The following MAG variants were observed in gnomAD, a reference collection of about 807,000 sequenced individuals.
MAG encodes myelin associated glycoprotein, also known as myelin-associated glycoprotein.
In MAG, 30 loss-of-function variants were observed where a neutral mutation model predicts 60.7. That is an observed-to-expected ratio of 0.49 (90% CI 0.37 to 0.67). MAG has a LOEUF of 0.67. MAG is among the 30% of genes least tolerant of loss of function. The probability of loss-of-function intolerance (pLI) is 0.00; values close to 1 mark genes in which losing one functional copy is unlikely to be tolerated. For synonymous variants in MAG, 384 were observed against 376.8 expected (o/e 1.02, Z -0.22); for missense variants, 795 against 851.7 (o/e 0.93, Z 0.83).
intron 9 of MAG, 96 bp from the exon 10 acceptor site, chr19:35,311,822 T>G: frequency 1.3e-6 from 1 of 760,740 alleles, no homozygotes. Context: ...TAGAGATGGG[T>G]GGGAGAACTC....
At chr19:35,305,457 G>C (rs1021862887) in intron 7 of MAG, among the ~76,000 whole-genome samples, 1 of 152,304 alleles carries the variant, frequency 6.6e-6, no homozygotes, top group African/African-American at 2.4e-5. Context: ...ATGTGATTGA[G>C]GGGAGGGTAC....
Position 35,295,745 on chromosome 19 carries a change from A to T in MAG, c.179A>T (p.Tyr60Phe). ...LRPAVVHGVW[Y>F]FNSPYPKNYP... is the part of the protein sequence containing the mutation. ...CCCGCTGTGGTGCATGGTGTCTGGT[A>T]CTTCAATAGCCCCTACCCCAAGAAC... Residue 60 changes from tyrosine (Y) to phenylalanine (F), a missense_variant, in exon 4 of 11, where the codon TAC (tyrosine) becomes TTC (phenylalanine). By Grantham distance (22) the Tyr-to-Phe change is conservative. Transcript: ENST00000392213. The surrounding 1 kb of genome is among the most constrained non-coding windows in gnomAD (Gnocchi z 5.8). 6.2e-7 allele frequency: 1 copy of T among 1,613,828 alleles called. No individual in the cohort carries two copies. Among genetic ancestry groups the T allele is most frequent in the East Asian group, 2.2e-5 (1 of 44,878 alleles).
chr19:35,295,687 C>T lies in MAG; in HGVS notation c.121C>T (p.Pro41Ser), dbSNP rs1313624249. ...SAFEGTCVSI[P>S]CRFDFPDELR... Reference sequence around the variant, plus strand: ...CTTCGAAGGCACGTGCGTCTCCATCCCCTGCCGCTTTGACTTCCCGGATGA... The same window carrying T: ...CTTCGAAGGCACGTGCGTCTCCATCTCCTGCCGCTTTGACTTCCCGGATGA... The change falls in exon 4 of 11, where the codon CCC (proline) becomes TCC (serine). Residue 41 changes from proline to serine, a missense_variant. Transcript: ENST00000392213. The surrounding 1 kb of genome is among the most constrained non-coding windows in gnomAD (Gnocchi z 5.8). The T allele has an allele frequency of 1.7e-5, 28 of 1,613,058 alleles. No individual in the cohort carries two copies. Among genetic ancestry groups the T allele is most frequent in the Non-Finnish European group, 2.3e-5 (27 of 1,180,004 alleles).
chr19:35,307,753 CCAGTA>C (rs1488449290), intron 7 of MAG, among the ~76,000 whole-genome samples: 28 of 152,098 alleles, frequency 1.8e-4, no homozygotes, highest in African/African-American at 6.5e-4. Context: ...AAAAAACCTA[CCAGTA>C]CTATTTTTGT....
rs1442880582 is a variant in MAG, at chr19:35,293,104, G to A, written c.-80+900G>A. Among the ~76,000 whole-genome samples the A allele has an allele frequency of 6.6e-6, 1 of 152,022 alleles. No individual in the cohort carries two copies. Among genetic ancestry groups the A allele is most frequent in the African/African-American group, 2.4e-5 (1 of 41,382 alleles). On this transcript the variant is annotated intron_variant, in intron 1 of 10. Transcript: ENST00000392213. This position sits in a 1 kb window ranked among gnomAD's most constrained non-coding sequence, Gnocchi z 4.0. The stretch of plus-strand genomic sequence containing the variant: ...TACCTGCTTGTTTCATGTCTGCCCG[G>A]GCACGTGCTCATCCTCATCTGCATC...
chr19:35,296,969 T>TAC (rs757623487), intron 4 of MAG, among the ~76,000 whole-genome samples: 48 of 116,842 alleles, frequency 4.1e-4, no homozygotes, highest in African/African-American at 8.7e-4. Flanking sequence ...CTGCATACAC[T>TAC]ACACACACAC....
intron 4 of MAG, among the ~76,000 whole-genome samples, chr19:35,298,828 A>G (rs2066423520): frequency 6.7e-6 from 1 of 149,142 alleles, no homozygotes; most frequent in African/African-American, 2.5e-5. Flanking sequence ...TACATGTACT[A>G]CCCACACATC....
Position 35,298,460 on chromosome 19 carries a change from C to T in MAG, c.416-1094C>T, listed in dbSNP as rs1002574899. ...CACACACTATACCCACCACACACTG[C>T]ACACACACACCACATACTACAGAAA... On this transcript the variant is annotated intron_variant, in intron 4 of 10. Coordinates refer to ENST00000392213, the MANE Select transcript of MAG (RefSeq NM_002361.4). 5.3e-5 allele frequency among the ~76,000 whole-genome samples: 8 copies of T among 150,290 alleles called. No homozygotes were observed. The East Asian group carries it at 1.6e-3, about 30-fold the overall frequency.
At position 35,295,714 on chromosome 19, in the gene MAG, C is replaced by T. The variant is rs200461020; in HGVS notation, c.148C>T (p.Leu50=). The T allele has an allele frequency of 4.5e-5, 72 of 1,613,616 alleles. No homozygotes were observed. Among genetic ancestry groups the T allele is most frequent in the Non-Finnish European group, 5.9e-5 (70 of 1,180,030 alleles). Reference sequence around the variant, plus strand: ...CTGCCGCTTTGACTTCCCGGATGAGCTGCGGCCCGCTGTGGTGCATGGTGT... The same window carrying T: ...CTGCCGCTTTGACTTCCCGGATGAGTTGCGGCCCGCTGTGGTGCATGGTGT... ...IPCRFDFPDE[L]RPAVVHGVWY... Residue 50 remains leucine (L), a synonymous_variant, in exon 4 of 11, where the codon CTG becomes TTG. Coordinates refer to ENST00000392213, the MANE Select transcript of MAG (RefSeq NM_002361.4). This position sits in a 1 kb window ranked among gnomAD's most constrained non-coding sequence, Gnocchi z 5.8.
At chr19:35,292,671 G>A (rs540960592) in intron 1 of MAG, among the ~76,000 whole-genome samples, 1 of 152,070 alleles carries the variant, frequency 6.6e-6, no homozygotes, top group Non-Finnish European at 1.5e-5. Context: ...GTGTGCGTGT[G>A]CGTGCACACA....
rs73599074 is a variant in MAG, at chr19:35,293,694, C to T, written c.-79-541C>T. ...TTCCTGGCCCTGCTCAAAGGCCAGCCAGGAGTGCCTGACCCCTTTCTTACT... is the reference window on the plus strand; with the variant it reads ...TTCCTGGCCCTGCTCAAAGGCCAGCTAGGAGTGCCTGACCCCTTTCTTACT... On this transcript the variant is annotated intron_variant, in intron 1 of 10. Transcript: ENST00000392213. This position sits in a 1 kb window ranked among gnomAD's most constrained non-coding sequence, Gnocchi z 4.0. Among the ~76,000 whole-genome samples, 4,452 of 152,110 alleles carry T rather than the reference C, an allele frequency of 0.029. 218 individuals are homozygous for T. The highest frequency in any genetic ancestry group is 0.1 in the African/African-American group (4,144 of 41,444).
At chr19:35,305,458 G>A (rs1006567290) in intron 7 of MAG, among the ~76,000 whole-genome samples, 3 of 152,146 alleles carry the variant, frequency 2.0e-5, no homozygotes, top group African/African-American at 4.8e-5. Flanking sequence ...TGTGATTGAG[G>A]GGAGGGTACC....
intron 7 of MAG, among the ~76,000 whole-genome samples, chr19:35,303,645 G>A (rs1398240756): frequency 6.6e-6 from 1 of 152,174 alleles, no homozygotes; most frequent in Non-Finnish European, 1.5e-5. Flanking sequence ...GGATAGGGCT[G>A]AGAAGACACC....
chr19:35,307,515 A>T (rs2066494098), intron 7 of MAG, among the ~76,000 whole-genome samples: 1 of 152,042 alleles, frequency 6.6e-6, no homozygotes, highest in Non-Finnish European at 1.5e-5. Context: ...GCTGTAATAC[A>T]ATTGCGTATT....
At chr19:35,312,385 C>T (rs1165258295) in intron 10 of MAG, 9 of 1,430,852 alleles carry the variant, frequency 6.3e-6, no homozygotes, top group Middle Eastern at 1.8e-4. Flanking sequence ...CTGGGGTTGG[C>T]GTGCATGTCC....
intron 4 of MAG, 103 bp from the exon 5 acceptor site, chr19:35,299,451 A>G: frequency 1.3e-6 from 1 of 741,398 alleles, no homozygotes; most frequent in Non-Finnish European, 2.1e-6. Flanking sequence ...GAGGAGTACC[A>G]TTGCCAGCAA....
chr19:35,309,407 A>C (rs1260362052), intron 7 of MAG, among the ~76,000 whole-genome samples: 1 of 152,140 alleles, frequency 6.6e-6, no homozygotes, highest in Non-Finnish European at 1.5e-5. Context: ...AATTTGGCCC[A>C]GGGCTGGGGC....
At chr19:35,296,408 C>T (rs2066398454) in intron 4 of MAG, among the ~76,000 whole-genome samples, 1 of 152,190 alleles carries the variant, frequency 6.6e-6, no homozygotes, top group Admixed American at 6.5e-5. Flanking sequence ...CCCAGAGCAG[C>T]ACCTGGCACG....
chr19:35,298,990 C>T (rs1568471543), intron 4 of MAG, among the ~76,000 whole-genome samples: 1 of 151,350 alleles, frequency 6.6e-6, no homozygotes, highest in Non-Finnish European at 1.5e-5. Context: ...AAACACACCA[C>T]ATACTACACA....
Sources: allele counts gnomAD v4.1 joint callset (sites outside exome capture counted in the v4.1 genomes callset), GRCh38; gene constraint gnomAD v4.1.1; non-coding constraint Gnocchi (gnomAD v3.1); transcripts MANE v1.5; gene names NCBI Gene and HGNC (gene_info 2026-07-23, HGNC 2026-07-21).